Variants in UBL7 observed in about 807,000 individuals in gnomAD.
UBL7 encodes the protein ubiquitin like 7.
In UBL7, 21 loss-of-function variants were observed where a neutral mutation model predicts 41.7. The observed-to-expected ratio is 0.50, with a 90% CI of 0.36 to 0.73. The LOEUF is 0.73. Ranked by LOEUF, UBL7 falls within the 30% of genes least tolerant of loss-of-function variation. The probability of loss-of-function intolerance (pLI) is 0.00; values close to 1 mark genes in which losing one functional copy is unlikely to be tolerated. For synonymous variants in UBL7, 157 were observed against 186.9 expected, an observed-to-expected ratio of 0.84 and a Z score of 1.31; for missense variants, 403 against 478.4, an observed-to-expected ratio of 0.84 and a Z score of 1.47.
At chr15:74,460,518 A>T (rs2061338524) in intron 1 of UBL7, 1 of 415,806 alleles carries the variant, frequency 2.4e-6, no homozygotes, top group Admixed American at 4.1e-5. Context: ...CACAGATTCA[A>T]TAACCTCAGT....
chr15:74,447,567 C>T (rs2061195782), intron 10 of UBL7, among the ~76,000 whole-genome samples: 1 of 152,090 alleles, frequency 6.6e-6, no homozygotes, highest in African/African-American at 2.4e-5. Flanking sequence ...ATTAGCCAGG[C>T]ATGGTGGTGC....
At chr15:74,454,168 C>T (rs2061273799) in intron 3 of UBL7, among the ~76,000 whole-genome samples, 1 of 152,164 alleles carries the variant, frequency 6.6e-6, no homozygotes, top group Non-Finnish European at 1.5e-5. Flanking sequence ...CCATAAGATG[C>T]TAATGCTGTT....
At position 74,449,687 on chromosome 15, in the gene UBL7, C is replaced by A. The variant is rs776633925; in HGVS notation, c.665-12G>T. ...AAACAGGAAGCCACCTGGAGGAGGACGAACAGATTTCAGGAGGAAGAACAG... is the reference window on the plus strand; with the variant it reads ...AAACAGGAAGCCACCTGGAGGAGGAAGAACAGATTTCAGGAGGAAGAACAG... On this transcript the variant is annotated splice_polypyrimidine_tract_variant and intron_variant, in intron 7 of 10. Coordinates refer to ENST00000395081, the MANE Select transcript of UBL7 (RefSeq NM_032907.5). 16 of 1,613,946 alleles carry A rather than the reference C, an allele frequency of 9.9e-6. No homozygotes were observed. The East Asian group carries it at 3.6e-4, about 36-fold the overall frequency.
rs559740980 is a variant in UBL7, at chr15:74,451,203, T to A, written c.472+233A>T. ...CTGTGATGTGGGCTAACTGCTATCC[T>A]CATTTGGCATCCTCATACCCTTATT... On this transcript the variant is annotated intron_variant, in intron 5 of 10. Transcript: ENST00000395081. Among the ~76,000 whole-genome samples the A allele has an allele frequency of 1.6e-4, 24 of 152,282 alleles. 1 individual carries two copies. The highest frequency in any genetic ancestry group is 1.4e-3 in the Admixed American group (22 of 15,300).
intron 3 of UBL7, among the ~76,000 whole-genome samples, chr15:74,454,713 C>G (rs1022091565): frequency 6.6e-6 from 1 of 152,088 alleles, no homozygotes; most frequent in Non-Finnish European, 1.5e-5. Context: ...GGACTTCTTA[C>G]AGGATTTTGG....
intron 3 of UBL7, among the ~76,000 whole-genome samples, chr15:74,453,664 G>C (rs183826218): frequency 3.3e-5 from 5 of 152,344 alleles, no homozygotes; most frequent in Non-Finnish European, 7.3e-5. Context: ...TCAAACAGCA[G>C]GTTAAGGTGA....
At chr15:74,450,912 G>A (rs1286226929) in intron 5 of UBL7, 53 bp from the exon 6 acceptor site, 2 of 1,599,396 alleles carry the variant, frequency 1.3e-6, no homozygotes, top group African/African-American at 2.7e-5. Context: ...AGATCCAGGA[G>A]GGAGAAGAGG....
At chr15:74,450,492 G>A (rs1036473211) in intron 6 of UBL7, among the ~76,000 whole-genome samples, 2 of 152,054 alleles carry the variant, frequency 1.3e-5, no homozygotes, top group African/African-American at 4.8e-5. Flanking sequence ...GACACTTTAC[G>A]GATCTGTACA....
chr15:74,457,736 CAAAAAAAA>C (rs1187527943), intron 2 of UBL7, among the ~76,000 whole-genome samples: 1 of 37,650 alleles, frequency 2.7e-5, no homozygotes, highest in Non-Finnish European at 5.7e-5. Flanking sequence ...GACTCCGTCT[CAAAAAAAA>C]AAAAAAAAAA....
chr15:74,448,874 G>A (rs1200746955), intron 9 of UBL7, among the ~76,000 whole-genome samples: 1 of 152,190 alleles, frequency 6.6e-6, no homozygotes, highest in African/African-American at 2.4e-5. Flanking sequence ...GAAGTGACTT[G>A]TCACCCAGAA....
At position 74,457,732 on chromosome 15, in the gene UBL7, G is replaced by A. The variant is rs1206012800; in HGVS notation, c.184+952C>T. On this transcript the variant is annotated intron_variant, in intron 2 of 10. Transcript: ENST00000395081. ...AGCCTGGGCAACAGAGCAAGACTCCGTCTCAAAAAAAAAAAAAAAAAAAAA... is the reference window on the plus strand; with the variant it reads ...AGCCTGGGCAACAGAGCAAGACTCCATCTCAAAAAAAAAAAAAAAAAAAAA... Among the ~76,000 whole-genome samples the A allele has an allele frequency of 2.0e-4, 23 of 114,676 alleles. No individual in the cohort carries two copies. The South Asian group carries it at 2.3e-3, about 11-fold the overall frequency. 75.2% of individuals were successfully genotyped at this position (114,676 alleles called of 152,430 possible). A position where few individuals can be genotyped will look rare whatever the true frequency, so the allele number is the denominator to read the frequency against.
chr15:74,461,076 G>T lies in UBL7; in HGVS notation c.-69C>A. 9.8e-7 allele frequency: 1 copy of T among 1,015,698 alleles called. No individual in the cohort carries two copies. The highest frequency in any genetic ancestry group is 1.1e-4 in the East Asian group (1 of 9,502). The allele number at this position is 1,015,698 out of a possible 1,614,324, so 62.9% of individuals were successfully genotyped here. A position where few individuals can be genotyped will look rare whatever the true frequency, so the allele number is the denominator to read the frequency against. On this transcript the variant is annotated 5_prime_UTR_variant, in exon 1 of 11. Transcript: ENST00000395081. Reference sequence around the variant, plus strand: ...CAGCTACTTGGCTGACACACATCGAGCCCGCGCTGCCCAGGGCCCCAGCGC... The same window carrying T: ...CAGCTACTTGGCTGACACACATCGATCCCGCGCTGCCCAGGGCCCCAGCGC...
intron 3 of UBL7, 119 bp from the exon 4 acceptor site, chr15:74,452,497 A>C: frequency 3.1e-6 from 3 of 960,630 alleles, no homozygotes; most frequent in Non-Finnish European, 1.6e-6. Flanking sequence ...CCCTTCCCTC[A>C]TCACCCCTTA....
At chr15:74,453,682 A>G (rs1006992990) in intron 3 of UBL7, among the ~76,000 whole-genome samples, 1 of 152,226 alleles carries the variant, frequency 6.6e-6, no homozygotes, top group Non-Finnish European at 1.5e-5. Context: ...TGACGTCCTG[A>G]AGGGATTTGT....
chr15:74,453,562 T>C (rs1029331365), intron 3 of UBL7, among the ~76,000 whole-genome samples: 1 of 152,144 alleles, frequency 6.6e-6, no homozygotes, highest in Non-Finnish European at 1.5e-5. Context: ...AATGAGAACA[T>C]GTGCAAAGGC....
intron 3 of UBL7, among the ~76,000 whole-genome samples, chr15:74,453,395 C>A (rs573259666): frequency 3.9e-5 from 6 of 152,176 alleles, no homozygotes; most frequent in African/African-American, 1.4e-4. Context: ...TCAACAGAGA[C>A]GTGGATCCCA....
intron 2 of UBL7, 105 bp downstream of exon 2, chr15:74,458,579 T>G (rs1453293902): frequency 1.1e-6 from 1 of 941,644 alleles, no homozygotes; most frequent in Admixed American, 2.2e-5. Flanking sequence ...GTTAACATTA[T>G]GAGGCAACAA....
intron 1 of UBL7, chr15:74,460,783 T>C: frequency 7.9e-7 from 1 of 1,269,798 alleles, no homozygotes; most frequent in African/African-American, 1.6e-5. Flanking sequence ...AGACCTCTGA[T>C]AGAGAAGAGG....
chr15:74,451,348 T>C (rs1252105431), intron 5 of UBL7, 88 bp downstream of exon 5: 1 of 1,170,618 alleles, frequency 8.5e-7, no homozygotes, highest in Non-Finnish European at 1.3e-6. Flanking sequence ...CTTCAAAAGA[T>C]AGTCCAAGTC....
Sources: gnomAD v4.1 joint callset for allele counts (sites outside exome capture counted in the v4.1 genomes callset) on GRCh38, gnomAD v4.1.1 for gene constraint, MANE v1.5 for transcripts, NCBI Gene and HGNC (gene_info 2026-07-23, HGNC 2026-07-21) for gene names.